The following CKAP2L variants were observed in gnomAD, a reference collection of about 807,000 sequenced individuals.
The protein encoded by CKAP2L is cytoskeleton-associated protein 2-like.
In CKAP2L, 42 loss-of-function variants were observed where a neutral mutation model predicts 65.7. That is an observed-to-expected ratio of 0.64 (90% CI 0.50 to 0.83). The LOEUF (loss-of-function observed/expected upper bound fraction) is 0.83. Ranked by LOEUF, CKAP2L falls within the 40% of genes least tolerant of loss-of-function variation. CKAP2L has a pLI of 0.00. For missense variants in CKAP2L, 908 were observed against 871.0 expected (o/e 1.04, Z -0.53); for synonymous variants, 325 against 313.5 (o/e 1.04, Z -0.39).
At chr2:112,751,650 T>G (rs1193238415) in intron 5 of CKAP2L, among the ~76,000 whole-genome samples, 1 of 152,210 alleles carries the variant, frequency 6.6e-6, no homozygotes, top group African/African-American at 2.4e-5. Context: ...TCCTTTTTTT[T>G]GCTGATGTTC....
chr2:112,751,360 G>A (rs962897517), intron 5 of CKAP2L, among the ~76,000 whole-genome samples: 3 of 152,144 alleles, frequency 2.0e-5, no homozygotes, highest in African/African-American at 7.2e-5. Flanking sequence ...ATACTGTATG[G>A]ACATGCATGA....
chr2:112,750,413 T>C (rs1680335161), intron 5 of CKAP2L, among the ~76,000 whole-genome samples: 1 of 152,192 alleles, frequency 6.6e-6, no homozygotes, highest in Admixed American at 6.5e-5. Context: ...TAAATGACCA[T>C]GGAAGCTTTA....
At chr2:112,740,079 T>C (rs1239166322) in intron 8 of CKAP2L, among the ~76,000 whole-genome samples, 2 of 152,334 alleles carry the variant, frequency 1.3e-5, no homozygotes, top group Non-Finnish European at 2.9e-5. Context: ...TTTTGTGAAT[T>C]CTAGAGCCAT....
intron 5 of CKAP2L, among the ~76,000 whole-genome samples, chr2:112,749,298 A>G (rs1680297500): frequency 6.6e-6 from 1 of 152,056 alleles, no homozygotes; most frequent in Non-Finnish European, 1.5e-5. Flanking sequence ...AAAAGAAATC[A>G]AAGCAAGTCA....
intron 2 of CKAP2L, 91 bp from the exon 3 acceptor site, chr2:112,760,855 T>G: frequency 1.4e-6 from 1 of 689,670 alleles, no homozygotes; most frequent in Non-Finnish European, 2.5e-6. Context: ...TGAATAGAAT[T>G]TTAAATAATT....
Position 112,756,259 on chromosome 2 carries a change from T to C in CKAP2L, c.1112A>G (p.Lys371Arg), listed in dbSNP as rs562239163. 2 of 1,614,148 alleles carry C rather than the reference T, an allele frequency of 1.2e-6. No individual in the cohort carries two copies. The highest frequency in any genetic ancestry group is 1.1e-5 in the South Asian group (1 of 91,080). ...AGGCCTCTGGCTTATGGCTTTTGAC[T>C]TTTGCAGTACACATGATGTCTGAGG... The part of the protein sequence containing the change: ...CIPQTSCVLQ[K>R]SKAISQRPNL... Residue 371 changes from lysine (K) to arginine (R), a missense_variant, in exon 4 of 9, where the codon AAG becomes AGG. Lys to Arg is a conservative substitution (Grantham distance 26). Coordinates refer to ENST00000302450, the MANE Select transcript of CKAP2L (RefSeq NM_152515.5).
chr2:112,756,402 A>G lies in CKAP2L; in HGVS notation c.969T>C (p.Val323=). The G allele has an allele frequency of 6.2e-7, 1 of 1,614,136 alleles. No individual in the cohort carries two copies. Among genetic ancestry groups the G allele is most frequent in the Middle Eastern group, 1.6e-4 (1 of 6,062 alleles). ...TGGTGTGCTTCACTCTCTGTTCAGT[A>G]ACAGGGTATGACCGTATCTTAGTTT... ...PNETKIRSYP[V]TEQRVKHTKP... Residue 323 remains valine, a synonymous_variant, in exon 4 of 9, where the codon GTT becomes GTC. Coordinates refer to ENST00000302450, the MANE Select transcript of CKAP2L (RefSeq NM_152515.5).
intron 2 of CKAP2L, among the ~76,000 whole-genome samples, chr2:112,761,645 A>C (rs1449631167): frequency 1.3e-5 from 2 of 152,064 alleles, no homozygotes; most frequent in African/African-American, 4.8e-5. Flanking sequence ...AGAAGGAATC[A>C]ATCTGCATGG....
intron 8 of CKAP2L, among the ~76,000 whole-genome samples, chr2:112,739,823 T>C (rs1292479254): frequency 6.6e-6 from 1 of 152,134 alleles, no homozygotes; most frequent in East Asian, 1.9e-4. Flanking sequence ...CCTGGCTAAT[T>C]TTTTATTTTT....
In CKAP2L at chr2:112,738,759, G is replaced by A; in HGVS notation, c.*64C>T. 8.9e-7 allele frequency: 1 copy of A among 1,126,490 alleles called. No individual in the cohort carries two copies. Among genetic ancestry groups the A allele is most frequent in the Non-Finnish European group, 1.3e-6 (1 of 752,960 alleles). 69.8% of individuals were successfully genotyped at this position (1,126,490 alleles called of 1,614,324 possible). Reference sequence around the variant, plus strand: ...CCTCTCTTTTTTTCCAGGTCACTTGGACAAGAATATTTCTTGTCTTATGTT... The same window carrying A: ...CCTCTCTTTTTTTCCAGGTCACTTGAACAAGAATATTTCTTGTCTTATGTT... On this transcript the variant is annotated 3_prime_UTR_variant, in exon 9 of 9. Transcript: ENST00000302450.
chr2:112,760,852 A>G, intron 2 of CKAP2L, 88 bp from the exon 3 acceptor site: 1 of 688,684 alleles, frequency 1.5e-6, no homozygotes, highest in South Asian at 1.8e-5. Flanking sequence ...TTATGAATAG[A>G]ATTTTAAATA....
chr2:112,755,680 T>C (rs1302558151), intron 4 of CKAP2L, among the ~76,000 whole-genome samples: 2 of 152,004 alleles, frequency 1.3e-5, no homozygotes, highest in Non-Finnish European at 2.9e-5. Context: ...ATTGAACGAG[T>C]GTCTACATCT....
intron 3 of CKAP2L, among the ~76,000 whole-genome samples, chr2:112,758,340 T>C (rs1374233656): frequency 6.6e-6 from 1 of 152,236 alleles, no homozygotes; most frequent in Non-Finnish European, 1.5e-5. Flanking sequence ...CACAGAGATT[T>C]ATGGAATATG....
rs11311328 is a variant in CKAP2L at position 112,757,385 on chromosome 2, GT to G, written c.157-172del. On this transcript the variant is annotated intron_variant, in intron 3 of 8. Transcript: ENST00000302450. ...AGACTCACTAATAGGTAGTTTTTGT[GT>G]TTTTTTTTTTTTTTTTTTTTTGAGA... Among the ~76,000 whole-genome samples the G allele has an allele frequency of 0.38, 33,434 of 87,448 alleles. 3,767 individuals are homozygous for G. The highest frequency in any genetic ancestry group is 0.52 in the African/African-American group (10,006 of 19,288). The allele number at this position is 87,448 out of a possible 152,430, so 57.4% of individuals were successfully genotyped here. A position where few individuals can be genotyped will look rare whatever the true frequency, so the allele number is the denominator to read the frequency against.
intron 5 of CKAP2L, among the ~76,000 whole-genome samples, chr2:112,750,922 G>A (rs1218601937): frequency 6.6e-6 from 1 of 151,900 alleles, no homozygotes; most frequent in Non-Finnish European, 1.5e-5. Context: ...TAAAACCTGA[G>A]GTCTTTTAAA....
intron 1 of CKAP2L, chr2:112,764,067 T>C (rs946973284): frequency 2.0e-4 from 34 of 170,120 alleles, no homozygotes; most frequent in Non-Finnish European, 6.4e-5. Context: ...GCCTTAGCCC[T>C]GGGTGCAGAT....
At chr2:112,751,113 T>C (rs775100457) in intron 5 of CKAP2L, among the ~76,000 whole-genome samples, 1 of 152,152 alleles carries the variant, frequency 6.6e-6, no homozygotes, top group African/African-American at 2.4e-5. Flanking sequence ...AGAAACACGG[T>C]CCAGATGATT....
intron 3 of CKAP2L, among the ~76,000 whole-genome samples, chr2:112,759,794 T>A (rs920596319): frequency 6.6e-6 from 1 of 152,186 alleles, no homozygotes; most frequent in Non-Finnish European, 1.5e-5. Flanking sequence ...GACTGAAATA[T>A]GACTGAAGTG....
chr2:112,762,630 T>G, intron 1 of CKAP2L, 61 bp from the exon 2 acceptor site: 1 of 1,336,126 alleles, frequency 7.5e-7, no homozygotes, highest in Middle Eastern at 1.8e-4. Flanking sequence ...ACCAGTTCAT[T>G]AATATTCTAA....
Sources: gnomAD v4.1 joint callset for allele counts (sites outside exome capture counted in the v4.1 genomes callset) on GRCh38, gnomAD v4.1.1 for gene constraint, MANE v1.5 for transcripts, NCBI Gene and HGNC (gene_info 2026-07-23, HGNC 2026-07-21) for gene names.